TMEM132B: variants seen among roughly 807,000 people sequenced by gnomAD.
TMEM132B encodes the protein transmembrane protein 132B.
TMEM132B carries 18 observed loss-of-function variants against 90.8 expected under a neutral mutation model. The ratio of observed to expected loss-of-function variants is 0.20; its 90% CI spans 0.14 to 0.29. The LOEUF (loss-of-function observed/expected upper bound fraction) is 0.29. Ranked by LOEUF, TMEM132B falls within the 10% of genes least tolerant of loss-of-function variation. The pLI, the probability that TMEM132B is intolerant of heterozygous loss-of-function variation, is 1.00. For missense variants in TMEM132B, 1,096 were observed against 1,326.8 expected (o/e 0.83, Z 2.70); for synonymous variants, 504 against 523.3 (o/e 0.96, Z 0.50).
intron 3 of TMEM132B, among the ~76,000 whole-genome samples, chr12:125,469,148 C>G (rs774942111): frequency 8.5e-5 from 13 of 152,106 alleles, no homozygotes; most frequent in Non-Finnish European, 1.9e-4. Context: ...GCATCTTTAC[C>G]TTGTTCCAGA....
At chr12:125,525,495 G>A (rs908410265) in intron 4 of TMEM132B, among the ~76,000 whole-genome samples, 3 of 152,230 alleles carry the variant, frequency 2.0e-5, no homozygotes, top group African/African-American at 7.2e-5. Flanking sequence ...CCTGGAAGAC[G>A]CAGCAACAAG....
intron 5 of TMEM132B, among the ~76,000 whole-genome samples, chr12:125,613,128 TTA>T (rs1260686773): frequency 3.5e-5 from 4 of 115,154 alleles, no homozygotes; most frequent in Admixed American, 1.2e-4. Flanking sequence ...TCATATATAT[TTA>T]TATATTATAT....
intron 3 of TMEM132B, among the ~76,000 whole-genome samples, chr12:125,455,399 A>G (rs1049337410): frequency 6.6e-6 from 1 of 152,176 alleles, no homozygotes; most frequent in Non-Finnish European, 1.5e-5. Context: ...TGATTAAAGT[A>G]AATCAGATTT....
chr12:125,627,306 A>AT (rs916410025), intron 5 of TMEM132B, among the ~76,000 whole-genome samples: 5 of 151,244 alleles, frequency 3.3e-5, no homozygotes, highest in East Asian at 1.9e-4. Flanking sequence ...CTAATTATTG[A>AT]TTTTTTTTCT....
intron 1 of TMEM132B, among the ~76,000 whole-genome samples, chr12:125,321,678 A>G (rs562065310): frequency 2.0e-5 from 3 of 151,976 alleles, no homozygotes; most frequent in African/African-American, 4.8e-5. Context: ...GTGTTTCACT[A>G]TGCTGGTCAG....
At chr12:125,268,476 A>G (rs1056689973) in intron 1 of TMEM132B, among the ~76,000 whole-genome samples, 7 of 152,262 alleles carry the variant, frequency 4.6e-5, no homozygotes, top group African/African-American at 1.7e-4. Context: ...GGAATGCTAT[A>G]CAGCGTGAGA....
At chr12:125,644,776 G>T (rs1886717878) in intron 6 of TMEM132B, among the ~76,000 whole-genome samples, 5 of 151,846 alleles carry the variant, frequency 3.3e-5, no homozygotes, top group Admixed American at 3.3e-4. Context: ...TCCTTTTTTT[G>T]CCTGAATTTT....
rs1401506434 is a variant in TMEM132B at position 125,432,519 on chromosome 12, A to G, written c.1106+16842A>G. On this transcript the variant is annotated intron_variant, in intron 3 of 8. Coordinates refer to ENST00000682704, the MANE Select transcript of TMEM132B (RefSeq NM_001366854.1). ...TATATATATGTGTGTGTGTATATAT[A>G]TATATATATAGAGAGAGAGAGAGAG... Among the ~76,000 whole-genome samples the G allele has an allele frequency of 1.4e-3, 90 of 64,004 alleles. 1 individual carries two copies. The highest frequency in any genetic ancestry group is 6.4e-3 in the East Asian group (10 of 1,556). 42.0% of individuals were successfully genotyped at this position (64,004 alleles called of 152,430 possible).
intron 4 of TMEM132B, among the ~76,000 whole-genome samples, chr12:125,571,361 T>G (rs1000114621): frequency 6.6e-6 from 1 of 152,172 alleles, no homozygotes; most frequent in Non-Finnish European, 1.5e-5. Context: ...GACCAGTTAG[T>G]GTTTATCAGG....
rs554274339 is a variant in TMEM132B at position 125,251,488 on chromosome 12, G to C, written c.67+64622G>C. Among the ~76,000 whole-genome samples, 2 of 152,302 alleles carry C rather than the reference G, an allele frequency of 1.3e-5. No homozygotes were observed. Among genetic ancestry groups the C allele is most frequent in the South Asian group, 2.1e-4 (1 of 4,822 alleles). Reference sequence around the variant, plus strand: ...GGGCTCACACAGGAAATGTATGAGAGGGAAGAAGTCTGGGTTTAAGAAATT... The same window carrying C: ...GGGCTCACACAGGAAATGTATGAGACGGAAGAAGTCTGGGTTTAAGAAATT... On this transcript the variant is annotated intron_variant, in intron 1 of 8. Coordinates refer to ENST00000682704, the MANE Select transcript of TMEM132B (RefSeq NM_001366854.1). The surrounding 1 kb of genome is among the most constrained non-coding windows in gnomAD (Gnocchi z 4.4).
At position 125,360,590 on chromosome 12, in the gene TMEM132B, A is replaced by T. The variant is rs558991417; in HGVS notation, c.959+10247A>T. ...TCTGGAAGGCTTTGAGGAAACAGAC[A>T]TTCTTGACCTGGAGCATTAACTAGC... On this transcript the variant is annotated intron_variant, in intron 2 of 8. Coordinates refer to ENST00000682704, the MANE Select transcript of TMEM132B (RefSeq NM_001366854.1). 6.6e-5 allele frequency among the ~76,000 whole-genome samples: 10 copies of T among 152,278 alleles called. No homozygotes were observed. The South Asian group carries it at 2.1e-3, about 32-fold the overall frequency.
At chr12:125,369,653 C>T (rs1878235561) in intron 2 of TMEM132B, among the ~76,000 whole-genome samples, 1 of 152,130 alleles carries the variant, frequency 6.6e-6, no homozygotes. Flanking sequence ...AGACTGAAAA[C>T]CACAGAAAGT....
At chr12:125,314,694 C>T (rs932159608) in intron 1 of TMEM132B, among the ~76,000 whole-genome samples, 4 of 152,134 alleles carry the variant, frequency 2.6e-5, no homozygotes, top group Admixed American at 6.5e-5. Flanking sequence ...AGTGAAGTTG[C>T]CAGAGGCTGC....
chr12:125,493,289 T>A (rs1001067975), intron 3 of TMEM132B, among the ~76,000 whole-genome samples: 1 of 152,144 alleles, frequency 6.6e-6, no homozygotes. Flanking sequence ...AAAACCTGCA[T>A]TGGATTAATA....
intron 2 of TMEM132B, among the ~76,000 whole-genome samples, chr12:125,359,594 G>A (rs756958378): frequency 1.3e-5 from 2 of 152,098 alleles, no homozygotes; most frequent in African/African-American, 4.8e-5. Flanking sequence ...TAAAAAAGTA[G>A]CCTCCCTAAC....
chr12:125,350,292 C>T lies in TMEM132B; in HGVS notation c.908C>T (p.Thr303Ile). ...LNLVREGDTA[T>I]FLVSLTSSSV... Reference sequence around the variant, plus strand: ...CTAGTCCGGGAAGGGGACACGGCCACCTTTTTGGTCTCTCTGACCAGTAGC... The same window carrying T: ...CTAGTCCGGGAAGGGGACACGGCCATCTTTTTGGTCTCTCTGACCAGTAGC... Residue 303 changes from threonine (T) to isoleucine (I), a missense_variant, in exon 2 of 9, where the codon ACC becomes ATC. Physicochemically the swap from Thr to Ile is moderately conservative, Grantham distance 89. Coordinates refer to ENST00000682704, the MANE Select transcript of TMEM132B (RefSeq NM_001366854.1). 1 of 1,613,812 alleles carries T rather than the reference C, an allele frequency of 6.2e-7. No homozygotes were observed. The highest frequency in any genetic ancestry group is 8.5e-7 in the Non-Finnish European group (1 of 1,180,028).
chr12:125,600,337 C>T (rs76342742), intron 5 of TMEM132B, among the ~76,000 whole-genome samples: 16,229 of 152,192 alleles, frequency 0.11, 1,155 homozygotes, highest in South Asian at 0.22. Context: ...CTGGCCAGTC[C>T]CTGCTTTGAC....
chr12:125,547,641 C>A lies in TMEM132B; in HGVS notation c.1293+28016C>A, dbSNP rs114507106. Among the ~76,000 whole-genome samples the A allele has an allele frequency of 5.4e-3, 820 of 152,264 alleles. 6 individuals carry two copies. The highest frequency in any genetic ancestry group is 0.019 in the African/African-American group (777 of 41,550). On this transcript the variant is annotated intron_variant, in intron 4 of 8. Coordinates refer to ENST00000682704, the MANE Select transcript of TMEM132B (RefSeq NM_001366854.1). The stretch of plus-strand genomic sequence containing the variant: ...CGCAACATTTGCCTCCCTGGTTTTG[C>A]TGCTTTTTAAGCCTGGCTCTTTGCA...
intron 1 of TMEM132B, among the ~76,000 whole-genome samples, chr12:125,299,145 G>A (rs141993711): frequency 4.6e-5 from 7 of 152,264 alleles, no homozygotes; most frequent in South Asian, 4.1e-4. Flanking sequence ...GCACCCTGGC[G>A]CTCTGCTGCC....
Sources: gnomAD v4.1 joint callset for allele counts (sites outside exome capture counted in the v4.1 genomes callset) on GRCh38, gnomAD v4.1.1 for gene constraint, Gnocchi (gnomAD v3.1) non-coding constraint, MANE v1.5 for transcripts, NCBI Gene and HGNC (gene_info 2026-07-23, HGNC 2026-07-21) for gene names.